Variants in PGM5 observed in about 807,000 individuals in gnomAD.
The protein encoded by PGM5 is phosphoglucomutase-like protein 5.
PGM5 carries 23 observed loss-of-function variants against 59.2 expected under a neutral mutation model. That is an observed-to-expected ratio of 0.39 (90% CI 0.28 to 0.55). The LOEUF (loss-of-function observed/expected upper bound fraction) is 0.55, where lower values mean the gene tolerates loss of function less well. PGM5 is among the 20% of genes least tolerant of loss of function. The pLI, the probability that PGM5 is intolerant of heterozygous loss-of-function variation, is 0.66. For synonymous variants in PGM5, 214 were observed against 286.0 expected (o/e 0.75, Z 2.54); for missense variants, 574 against 748.3 (o/e 0.77, Z 2.72).
In PGM5 at chr9:68,479,538, G is replaced by T; in HGVS notation, c.1280G>T (p.Arg427Leu). Residue 427 changes from arginine (R) to leucine (L), a missense_variant, in exon 8 of 11, where the codon CGC (arginine) becomes CTC (leucine). By Grantham distance (102) the Arg-to-Leu change is moderately radical (BLOSUM62 -2). This residue lies in a region of PGM5 where 300 missense variants were observed against 280.0 expected (regional missense o/e 1.07). Coordinates refer to ENST00000396396, the MANE Select transcript of PGM5 (RefSeq NM_021965.4). ...CGAGATCACTGGGCCAAATTTGGCC[G>T]CCACTACTATTGCAGGTGAGGAGAA... The part of the protein sequence containing the change: ...IVRDHWAKFG[R>L]HYYCRFDYEG... 6.2e-7 allele frequency: 1 copy of T among 1,613,956 alleles called. No individual in the cohort carries two copies. Among genetic ancestry groups the T allele is most frequent in the Non-Finnish European group, 8.5e-7 (1 of 1,179,906 alleles).
intron 6 of PGM5, among the ~76,000 whole-genome samples, chr9:68,409,820 A>G (rs1822892163): frequency 1.3e-5 from 2 of 148,748 alleles, no homozygotes; most frequent in Non-Finnish European, 3.0e-5. Flanking sequence ...GCACATGTAT[A>G]CATATGTAAC....
intron 9 of PGM5, among the ~76,000 whole-genome samples, chr9:68,487,641 A>G (rs1053776130): frequency 1.1e-4 from 17 of 152,118 alleles, no homozygotes; most frequent in African/African-American, 4.1e-4. Context: ...GTAGTGGGAG[A>G]TTCCCAGTTG....
At chr9:68,418,157 C>T (rs138766325) in intron 6 of PGM5, among the ~76,000 whole-genome samples, 25 of 152,292 alleles carry the variant, frequency 1.6e-4, no homozygotes, top group Non-Finnish European at 3.4e-4. Context: ...CACCTGCTGG[C>T]GTGATTCCAT....
intron 6 of PGM5, among the ~76,000 whole-genome samples, chr9:68,442,476 T>C (rs1823545406): frequency 6.6e-6 from 1 of 152,218 alleles, no homozygotes; most frequent in Admixed American, 6.5e-5. Context: ...TTGGCCAGGC[T>C]GGTCTTGAAC....
chr9:68,451,982 A>T (rs2132070676), intron 6 of PGM5, among the ~76,000 whole-genome samples: 1 of 152,364 alleles, frequency 6.6e-6, no homozygotes, highest in Middle Eastern at 3.4e-3. Flanking sequence ...ATACTTTTTA[A>T]TAGCCATAAA....
chr9:68,468,448 A>G (rs1450142447), intron 7 of PGM5, among the ~76,000 whole-genome samples: 1 of 152,330 alleles, frequency 6.6e-6, no homozygotes, highest in East Asian at 1.9e-4. Flanking sequence ...TTTACAATAT[A>G]TTATAGACTT....
Position 68,440,369 on chromosome 9 carries a change from A to C in PGM5, c.1044-24724A>C, listed in dbSNP as rs569021238. Among the ~76,000 whole-genome samples, 221 of 152,296 alleles carry C rather than the reference A, an allele frequency of 1.5e-3. 1 individual carries two copies. The highest frequency in any genetic ancestry group is 5.1e-3 in the African/African-American group (210 of 41,576). ...AACTAACTAAATGTAAAAGAACGGA[A>C]ACCATGCAAAGTATGTTCCCTGACC... On this transcript the variant is annotated intron_variant, in intron 6 of 10. Transcript: ENST00000396396.
intron 7 of PGM5, among the ~76,000 whole-genome samples, chr9:68,469,875 T>C (rs1317522378): frequency 1.3e-5 from 2 of 152,216 alleles, no homozygotes; most frequent in African/African-American, 4.8e-5. Context: ...CTTCCTTGTA[T>C]TATTAGTAGT....
chr9:68,453,052 T>C (rs1265603580), intron 6 of PGM5, among the ~76,000 whole-genome samples: 1 of 152,220 alleles, frequency 6.6e-6, no homozygotes, highest in Admixed American at 6.5e-5. Context: ...CATTTTCCCA[T>C]GTGTGCTGAA....
At chr9:68,525,972 C>T (rs1587235298) in intron 10 of PGM5, among the ~76,000 whole-genome samples, 1 of 151,904 alleles carries the variant, frequency 6.6e-6, no homozygotes, top group African/African-American at 2.4e-5. Context: ...AGGAGAATGG[C>T]GTGAACCCGG....
intron 1 of PGM5, chr9:68,357,725 G>A (rs1554675890): frequency 5.6e-6 from 2 of 355,940 alleles, no homozygotes; most frequent in African/African-American, 2.2e-5. Context: ...TCTCTTACCC[G>A]GCCCTGTAGA....
intron 1 of PGM5, among the ~76,000 whole-genome samples, chr9:68,370,059 G>A (rs1276424726): frequency 2.6e-5 from 4 of 151,802 alleles, no homozygotes; most frequent in Admixed American, 6.6e-5. Context: ...TAACCGAGAA[G>A]ACAGGAAACA....
chr9:68,493,059 G>A (rs1482440594), intron 9 of PGM5, among the ~76,000 whole-genome samples: 1 of 152,142 alleles, frequency 6.6e-6, no homozygotes, highest in African/African-American at 2.4e-5. Context: ...CACTGTACCA[G>A]ATTGCAGGGC....
At position 68,414,018 on chromosome 9, in the gene PGM5, G is replaced by C. The variant is rs2245132; in HGVS notation, c.1043+21545G>C. On this transcript the variant is annotated intron_variant, in intron 6 of 10. Transcript: ENST00000396396. ...CAGATCCCTCATGAATAAATTAATT[G>C]TGTCTCTTGGAGGTGAGTTCTTACT... is the stretch of plus-strand genomic sequence containing the variant. 4.1e-3 allele frequency among the ~76,000 whole-genome samples: 627 copies of C among 152,268 alleles called. 3 individuals carry two copies. Among genetic ancestry groups the C allele is most frequent in the Non-Finnish European group, 6.7e-3 (459 of 68,014 alleles).
chr9:68,360,286 TA>T (rs1486844285), intron 1 of PGM5, among the ~76,000 whole-genome samples: 8 of 151,596 alleles, frequency 5.3e-5, no homozygotes, highest in African/African-American at 1.9e-4. Flanking sequence ...TAAACATGTA[TA>T]AAAAATTTTA....
At chr9:68,479,331 C>T (rs1353406677) in intron 7 of PGM5, 87 bp from the exon 8 acceptor site, 2 of 1,208,014 alleles carry the variant, frequency 1.7e-6, no homozygotes, top group African/African-American at 1.5e-5. Context: ...ACATAACATT[C>T]AATCACTAAC....
In PGM5 at chr9:68,437,566, G is replaced by GAC. The variant is rs202214679; in HGVS notation, c.1044-27518_1044-27517dup. ...AGGATAGGAATCAATTTTTCAAAGG[G>GAC]ACACACACACTCACACACACACACA... On this transcript the variant is annotated intron_variant, in intron 6 of 10. Coordinates refer to ENST00000396396, the MANE Select transcript of PGM5 (RefSeq NM_021965.4). The surrounding 1 kb of genome is among the most constrained non-coding windows in gnomAD (Gnocchi z 4.1). Among the ~76,000 whole-genome samples the GAC allele has an allele frequency of 6.7e-6, 1 of 149,942 alleles. No homozygotes were observed. Among genetic ancestry groups the GAC allele is most frequent in the Non-Finnish European group, 1.5e-5 (1 of 67,798 alleles).
At chr9:68,386,759 A>G (rs1822230781) in intron 3 of PGM5, among the ~76,000 whole-genome samples, 1 of 152,084 alleles carries the variant, frequency 6.6e-6, no homozygotes, top group Admixed American at 6.6e-5. Context: ...ATTGACAAGT[A>G]TGAAAAATGT....
chr9:68,429,966 T>C (rs781851271), intron 6 of PGM5, among the ~76,000 whole-genome samples: 1 of 152,230 alleles, frequency 6.6e-6, no homozygotes, highest in Admixed American at 6.5e-5. Context: ...TTTGTGTTGC[T>C]GGAAGAAGGA....
Sources: gnomAD v4.1 joint callset for allele counts (sites outside exome capture counted in the v4.1 genomes callset) on GRCh38, gnomAD v4.1.1 for gene constraint, gnomAD v4.1.1 regional missense constraint, Gnocchi (gnomAD v3.1) non-coding constraint, MANE v1.5 for transcripts, NCBI Gene and HGNC (gene_info 2026-07-23, HGNC 2026-07-21) for gene names.